The following PDE11A variants were observed in gnomAD, a reference collection of about 807,000 sequenced individuals.
The protein encoded by PDE11A is phosphodiesterase 11A.
A neutral mutation model predicts 100.5 loss-of-function variants in PDE11A; 100 were observed. That is an observed-to-expected ratio of 1.00 (90% confidence interval 0.85 to 1.18). The LOEUF (loss-of-function observed/expected upper bound fraction) is 1.18, where lower values mean the gene tolerates loss of function less well. PDE11A is among the 50% of genes most tolerant of loss of function. The pLI, the probability that PDE11A is intolerant of heterozygous loss-of-function variation, is 0.00. For missense variants in PDE11A, 1,141 were observed against 1,152.6 expected, an observed-to-expected ratio of 0.99 and a Z score of 0.15; for synonymous variants, 381 against 420.8, an observed-to-expected ratio of 0.91 and a Z score of 1.16.
intron 9 of PDE11A, among the ~76,000 whole-genome samples, chr2:177,810,230 T>C (rs1049442067): frequency 2.0e-5 from 3 of 152,326 alleles, no homozygotes; most frequent in South Asian, 4.1e-4. Flanking sequence ...CAGAATGTTG[T>C]CATGGCAGAC....
At chr2:177,873,321 T>C (rs941009685) in intron 5 of PDE11A, among the ~76,000 whole-genome samples, 2 of 152,312 alleles carry the variant, frequency 1.3e-5, no homozygotes, top group East Asian at 3.9e-4. Context: ...GATATCAGCA[T>C]GAATAGAGAT....
intron 10 of PDE11A, among the ~76,000 whole-genome samples, chr2:177,744,028 C>T (rs998588042): frequency 2.0e-5 from 3 of 152,186 alleles, no homozygotes; most frequent in African/African-American, 7.2e-5. Context: ...TCCTCCTCTG[C>T]CCCTGCCCAG....
At chr2:177,960,759 C>A (rs2105789405) in intron 2 of PDE11A, among the ~76,000 whole-genome samples, 1 of 152,288 alleles carries the variant, frequency 6.6e-6, no homozygotes, top group South Asian at 2.1e-4. Context: ...GAAAATAGGT[C>A]TGCCCTAAGG....
At chr2:177,942,403 A>AT (rs1321007785) in intron 2 of PDE11A, among the ~76,000 whole-genome samples, 722 of 31,908 alleles carry the variant, frequency 0.023, 4 homozygotes, top group Middle Eastern at 0.042. Flanking sequence ...ATTTTTTAAA[A>AT]TTATTTTTTT....
chr2:178,072,844 GA>G (rs1237749182), upstream of PDE11A: 2 of 1,175,272 alleles, frequency 1.7e-6, no homozygotes, highest in Admixed American at 7.9e-5. Flanking sequence ...ACGGAGCCTG[GA>G]GGGAGGAGAG....
intron 12 of PDE11A, chr2:177,723,235 C>T (rs1431246857): frequency 4.6e-5 from 7 of 152,044 alleles, no homozygotes; most frequent in African/African-American, 1.7e-4. Flanking sequence ...CCTAAACATC[C>T]CTTCTGCTTT....
chr2:177,694,190 G>A (rs550038713), intron 15 of PDE11A, among the ~76,000 whole-genome samples: 1 of 152,346 alleles, frequency 6.6e-6, no homozygotes, highest in Admixed American at 6.5e-5. Context: ...AACCAACTTC[G>A]TTGACTGCAT....
At chr2:178,000,415 T>A (rs1574333664) in intron 2 of PDE11A, among the ~76,000 whole-genome samples, 1 of 152,212 alleles carries the variant, frequency 6.6e-6, no homozygotes. Context: ...AGCTGCAGGG[T>A]AATTTATACT....
chr2:177,851,092 T>C (rs2105647595), intron 5 of PDE11A, among the ~76,000 whole-genome samples: 1 of 152,252 alleles, frequency 6.6e-6, no homozygotes, highest in Middle Eastern at 3.4e-3. Flanking sequence ...CACACGTATG[T>C]TTATTGCGGC....
chr2:177,729,845 C>CT (rs2081654832), intron 10 of PDE11A, among the ~76,000 whole-genome samples: 1 of 149,368 alleles, frequency 6.7e-6, no homozygotes, highest in Non-Finnish European at 1.5e-5. Flanking sequence ...AAGCCCTTTT[C>CT]TTTTTTCCCC....
At chr2:177,889,484 G>A (rs1481088318) in intron 4 of PDE11A, among the ~76,000 whole-genome samples, 1 of 148,216 alleles carries the variant, frequency 6.7e-6, no homozygotes, top group Non-Finnish European at 1.5e-5. Context: ...AATTTTGAAT[G>A]TTTTTTTTTT....
intron 1 of PDE11A, among the ~76,000 whole-genome samples, chr2:178,069,494 C>T (rs2105871400): frequency 6.6e-6 from 1 of 152,206 alleles, no homozygotes; most frequent in South Asian, 2.1e-4. Context: ...ATTCCCAACC[C>T]ATACAGCACG....
chr2:177,845,795 G>A (rs1423672869), intron 5 of PDE11A, among the ~76,000 whole-genome samples: 3 of 152,336 alleles, frequency 2.0e-5, no homozygotes, highest in South Asian at 2.1e-4. Flanking sequence ...TCGGGAGGCC[G>A]AGGCTGGTGG....
intron 16 of PDE11A, among the ~76,000 whole-genome samples, chr2:177,676,948 A>G (rs1043220344): frequency 6.6e-6 from 1 of 152,194 alleles, no homozygotes; most frequent in African/African-American, 2.4e-5. Context: ...TTCTGTGCCT[A>G]TCACAAAGCT....
intron 13 of PDE11A, 120 bp downstream of exon 13, chr2:177,711,649 A>G: frequency 1.4e-6 from 1 of 713,676 alleles, no homozygotes; most frequent in South Asian, 1.5e-5. Context: ...TGCACGCCCA[A>G]GCCTGCATGG....
At chr2:178,006,251 A>T (rs1046872570) in intron 2 of PDE11A, among the ~76,000 whole-genome samples, 12 of 152,232 alleles carry the variant, frequency 7.9e-5, no homozygotes, top group Non-Finnish European at 1.8e-4. Context: ...ATGTTAGGAA[A>T]CACTGTTAAA....
intron 2 of PDE11A, among the ~76,000 whole-genome samples, chr2:177,919,621 T>A (rs970107485): frequency 6.6e-6 from 1 of 152,114 alleles, no homozygotes; most frequent in Non-Finnish European, 1.5e-5. Context: ...GCTATAAAAT[T>A]TTTAATAAGT....
intron 19 of PDE11A, among the ~76,000 whole-genome samples, chr2:177,641,750 G>C (rs2080147199): frequency 6.6e-6 from 1 of 152,116 alleles, no homozygotes; most frequent in South Asian, 2.1e-4. Flanking sequence ...GACTTCCTTG[G>C]CTGTTTTTAA....
intron 2 of PDE11A, among the ~76,000 whole-genome samples, chr2:177,910,172 C>G (rs1287485850): frequency 6.6e-6 from 1 of 152,070 alleles, no homozygotes; most frequent in Non-Finnish European, 1.5e-5. Flanking sequence ...AATGTTCTAC[C>G]CTGTGTCATT....
Sources: gnomAD v4.1 joint callset for allele counts (sites outside exome capture counted in the v4.1 genomes callset) on GRCh38, gnomAD v4.1.1 for gene constraint, MANE v1.5 for transcripts, NCBI Gene and HGNC (gene_info 2026-07-23, HGNC 2026-07-21) for gene names.